Variants in MARK1 observed in about 807,000 individuals in gnomAD.
The protein encoded by MARK1 is serine/threonine-protein kinase MARK1.
In MARK1, 40 loss-of-function variants were observed where a neutral mutation model predicts 96.3. That is an observed-to-expected ratio of 0.42 (90% CI 0.32 to 0.54). The LOEUF (loss-of-function observed/expected upper bound fraction) is 0.54, where lower values mean the gene tolerates loss of function less well. Among genes scored for constraint, MARK1 ranks in the 20% least tolerant of loss-of-function variants. The pLI, the probability that MARK1 is intolerant of heterozygous loss-of-function variation, is 0.16. For missense variants in MARK1, 719 were observed against 984.6 expected (o/e 0.73, Z 3.61); for synonymous variants, 317 against 341.2 (o/e 0.93, Z 0.78).
At chr1:220,539,316 A>G (rs966235441) in intron 1 of MARK1, among the ~76,000 whole-genome samples, 1 of 152,142 alleles carries the variant, frequency 6.6e-6, no homozygotes, top group East Asian at 1.9e-4. Context: ...TTCTGCATCT[A>G]TTGAGATAAT....
At chr1:220,556,020 AGC>A (rs1438587155) in intron 1 of MARK1, among the ~76,000 whole-genome samples, 1 of 152,242 alleles carries the variant, frequency 6.6e-6, no homozygotes, top group Non-Finnish European at 1.5e-5. Context: ...GAGAAATCAA[AGC>A]CAGAATGGTA....
intron 6 of MARK1, among the ~76,000 whole-genome samples, chr1:220,614,974 G>A (rs1165464609): frequency 1.3e-5 from 2 of 151,372 alleles, no homozygotes; most frequent in Non-Finnish European, 2.9e-5. Flanking sequence ...TCTCATTTTT[G>A]TCTCCATTTG....
At chr1:220,551,790 G>A (rs2589586) in intron 1 of MARK1, among the ~76,000 whole-genome samples, 39,400 of 152,130 alleles carry the variant, frequency 0.26, 5,895 homozygotes, top group East Asian at 0.46. Context: ...GCTTGTTTCT[G>A]TAACTGGTCA....
At chr1:220,633,009 A>G (rs886855542) in intron 11 of MARK1, among the ~76,000 whole-genome samples, 2 of 152,214 alleles carry the variant, frequency 1.3e-5, no homozygotes, top group African/African-American at 2.4e-5. Context: ...GCTTACAGAC[A>G]TGATGGAAGG....
At chr1:220,591,293 G>C (rs1664964177) in intron 3 of MARK1, among the ~76,000 whole-genome samples, 1 of 152,160 alleles carries the variant, frequency 6.6e-6, no homozygotes, top group African/African-American at 2.4e-5. Flanking sequence ...CTGAAACATG[G>C]AGCTGCCAGG....
intron 9 of MARK1, among the ~76,000 whole-genome samples, chr1:220,624,848 A>G (rs1295054155): frequency 6.6e-6 from 1 of 152,184 alleles, no homozygotes; most frequent in Non-Finnish European, 1.5e-5. Flanking sequence ...ATTTATAGAA[A>G]CCATATTCTG....
chr1:220,539,533 T>C (rs887791073), intron 1 of MARK1, among the ~76,000 whole-genome samples: 4 of 152,162 alleles, frequency 2.6e-5, no homozygotes, highest in African/African-American at 9.7e-5. Flanking sequence ...TTTATGTTGA[T>C]GTAATTTTTT....
intron 3 of MARK1, among the ~76,000 whole-genome samples, chr1:220,583,957 C>T (rs1286084431): frequency 2.0e-5 from 3 of 151,700 alleles, no homozygotes; most frequent in Non-Finnish European, 2.9e-5. Flanking sequence ...TGAGCCACTG[C>T]ACCCTGCCTC....
At chr1:220,592,587 G>C (rs1665072918) in intron 3 of MARK1, among the ~76,000 whole-genome samples, 1 of 152,182 alleles carries the variant, frequency 6.6e-6, no homozygotes, top group Non-Finnish European at 1.5e-5. Flanking sequence ...GTCAGGCTTG[G>C]AATACTGAGC....
At chr1:220,655,412 C>G (rs1480451923) in intron 16 of MARK1, among the ~76,000 whole-genome samples, 1 of 152,210 alleles carries the variant, frequency 6.6e-6, no homozygotes, top group Non-Finnish European at 1.5e-5. Context: ...GTTATAGACT[C>G]TGAAACAGAA....
intron 6 of MARK1, among the ~76,000 whole-genome samples, chr1:220,606,733 T>A (rs893910668): frequency 6.6e-6 from 1 of 152,208 alleles, no homozygotes; most frequent in Non-Finnish European, 1.5e-5. Flanking sequence ...TTCAGCTTTC[T>A]ACATATGGCT....
chr1:220,594,145 G>A (rs557067204), intron 3 of MARK1, among the ~76,000 whole-genome samples: 1 of 152,318 alleles, frequency 6.6e-6, no homozygotes, highest in Admixed American at 6.5e-5. Flanking sequence ...GTTGAGGATT[G>A]GAGCAGGCTT....
chr1:220,604,814 T>C (rs1466760949), intron 6 of MARK1, among the ~76,000 whole-genome samples: 1 of 152,104 alleles, frequency 6.6e-6, no homozygotes, highest in Non-Finnish European at 1.5e-5. Context: ...AATTAGTGAA[T>C]TGTAAATTGT....
intron 3 of MARK1, among the ~76,000 whole-genome samples, chr1:220,585,902 A>T (rs1664564601): frequency 1.3e-5 from 2 of 151,876 alleles, no homozygotes; most frequent in Admixed American, 1.3e-4. Context: ...GTCTGCTTTT[A>T]TCTTTCTCTA....
At chr1:220,660,586 A>G (rs1364451906) in intron 17 of MARK1, among the ~76,000 whole-genome samples, 1 of 152,158 alleles carries the variant, frequency 6.6e-6, no homozygotes, top group Non-Finnish European at 1.5e-5. Context: ...AACAAGTTGC[A>G]ATTATAACAT....
At chr1:220,657,883 A>G (rs1669264741) in intron 17 of MARK1, 49 bp downstream of exon 17, 1 of 1,375,038 alleles carries the variant, frequency 7.3e-7, no homozygotes. Flanking sequence ...GTGTATGAAA[A>G]CGTACTTTTG....
At chr1:220,592,310 G>T (rs1274992229) in intron 3 of MARK1, among the ~76,000 whole-genome samples, 1 of 150,494 alleles carries the variant, frequency 6.6e-6, no homozygotes, top group Non-Finnish European at 1.5e-5. Context: ...GACTATACTT[G>T]CTGGCTTAAG....
chr1:220,636,153 T>C, intron 13 of MARK1, 127 bp downstream of exon 13: 1 of 647,296 alleles, frequency 1.5e-6, no homozygotes, highest in Non-Finnish European at 2.4e-6. Context: ...TTAAAGAACA[T>C]GCAAAAGGGA....
intron 3 of MARK1, among the ~76,000 whole-genome samples, chr1:220,594,483 A>G (rs1166060924): frequency 6.6e-6 from 1 of 152,198 alleles, no homozygotes; most frequent in African/African-American, 2.4e-5. Flanking sequence ...AAAACTACAC[A>G]TATCTTACCA....
Sources: gnomAD v4.1 joint callset for allele counts (sites outside exome capture counted in the v4.1 genomes callset) on GRCh38, gnomAD v4.1.1 for gene constraint, MANE v1.5 for transcripts, NCBI Gene and HGNC (gene_info 2026-07-23, HGNC 2026-07-21) for gene names.